Variants in TENM3 observed in about 807,000 individuals in gnomAD.
The protein encoded by TENM3 is teneurin transmembrane protein 3.
TENM3 carries 63 observed loss-of-function variants against 255.1 expected under a neutral mutation model. That is an observed-to-expected ratio of 0.25 (90% confidence interval 0.20 to 0.30). The LOEUF is 0.30. TENM3 is among the 10% of genes least tolerant of loss of function. TENM3 has a pLI of 1.00. For synonymous variants in TENM3, 1,306 were observed against 1,322.3 expected, an observed-to-expected ratio of 0.99 and a Z score of 0.27; for missense variants, 2,929 against 3,461.1, an observed-to-expected ratio of 0.85 and a Z score of 3.86.
chr4:182,427,947 CTT>C (rs34463107), intron 3 of TENM3, among the ~76,000 whole-genome samples: 20 of 142,864 alleles, frequency 1.4e-4, no homozygotes, highest in Admixed American at 5.6e-4. Context: ...AGCACTGTCA[CTT>C]TTTTTTTTTT....
chr4:182,242,285 A>G (rs137979688), upstream of TENM3, among the ~76,000 whole-genome samples: 681 of 150,208 alleles, frequency 4.5e-3, 4 homozygotes, highest in African/African-American at 0.016. Context: ...TTCAGTTCCC[A>G]CCTATGAGTG....
chr4:181,837,851 A>C, the TENM3 span, among the ~76,000 whole-genome samples: 5 of 152,048 alleles, frequency 3.3e-5, no homozygotes, highest in Non-Finnish European at 4.4e-5. Flanking sequence ...GTATAAGAAA[A>C]CCTTAGGGAC....
chr4:181,825,360 C>A, the TENM3 span, among the ~76,000 whole-genome samples: 1 of 125,474 alleles, frequency 8.0e-6, no homozygotes, highest in African/African-American at 3.0e-5. Context: ...GAGATCACAC[C>A]ATTGCACTTC....
intron 3 of TENM3, among the ~76,000 whole-genome samples, chr4:182,411,111 C>T (rs1769953534): frequency 6.6e-6 from 1 of 152,080 alleles, no homozygotes; most frequent in African/African-American, 2.4e-5. Flanking sequence ...TGGACTTATC[C>T]CTAAGTCCCA....
chr4:181,650,233 A>G, the TENM3 span, among the ~76,000 whole-genome samples: 1 of 152,184 alleles, frequency 6.6e-6, no homozygotes, highest in African/African-American at 2.4e-5. Flanking sequence ...GACCTACATG[A>G]GTCAGCAAAC....
At chr4:182,252,470 T>C (rs1324645786) in intron 1 of TENM3, among the ~76,000 whole-genome samples, 1 of 152,216 alleles carries the variant, frequency 6.6e-6, no homozygotes, top group Non-Finnish European at 1.5e-5. Flanking sequence ...AATACATGAA[T>C]ATTAAAATAA....
chr4:182,166,380 T>G (rs981439106), intron 1 of TENM3, among the ~76,000 whole-genome samples: 1 of 152,168 alleles, frequency 6.6e-6, no homozygotes, highest in African/African-American at 2.4e-5. Context: ...CCCCCTGGGC[T>G]TCTGCCATGA....
At chr4:182,515,677 G>C (rs1282189733) in intron 3 of TENM3, among the ~76,000 whole-genome samples, 1 of 151,400 alleles carries the variant, frequency 6.6e-6, no homozygotes, top group Non-Finnish European at 1.5e-5. Context: ...TTTAATGTAA[G>C]GAGAGGAGAC....
At chr4:182,024,320 T>C in the TENM3 span, among the ~76,000 whole-genome samples, 2 of 152,174 alleles carry the variant, frequency 1.3e-5, no homozygotes, top group African/African-American at 4.8e-5. Flanking sequence ...ATGATGACAG[T>C]CAAGAGGAAG....
chr4:181,725,604 A>AT, the TENM3 span, among the ~76,000 whole-genome samples: 175 of 151,460 alleles, frequency 1.2e-3, no homozygotes, highest in African/African-American at 4.1e-3. Flanking sequence ...ACACCCAGCT[A>AT]TTTTTTTGTA....
intron 3 of TENM3, among the ~76,000 whole-genome samples, chr4:182,400,089 G>A (rs1769123528): frequency 6.6e-6 from 1 of 152,062 alleles, no homozygotes; most frequent in African/African-American, 2.4e-5. Context: ...ATACTTCAGA[G>A]ACCTTATGTA....
chr4:181,789,953 T>C, the TENM3 span, among the ~76,000 whole-genome samples: 3 of 152,142 alleles, frequency 2.0e-5, no homozygotes, highest in Non-Finnish European at 2.9e-5. Context: ...TTTAAGTCTT[T>C]CCCTGAGTTC....
At chr4:182,088,341 A>G in the TENM3 span, among the ~76,000 whole-genome samples, 1 of 152,100 alleles carries the variant, frequency 6.6e-6, no homozygotes, top group Non-Finnish European at 1.5e-5. Flanking sequence ...GTGGTCTTCA[A>G]AGGGTATTCC....
At chr4:181,749,151 T>G in the TENM3 span, among the ~76,000 whole-genome samples, 2 of 152,114 alleles carry the variant, frequency 1.3e-5, no homozygotes, top group Non-Finnish European at 2.9e-5. Context: ...TAATTTGACT[T>G]TATCCCTTGT....
chr4:182,039,131 G>A, the TENM3 span, among the ~76,000 whole-genome samples: 1 of 152,150 alleles, frequency 6.6e-6, no homozygotes, highest in Non-Finnish European at 1.5e-5. Context: ...GCCATCTGAG[G>A]TCCGGAGCTA....
rs1464783432 is a variant in TENM3 at position 182,161,808 on chromosome 4, TATATA to T, written c.-76+17055_-76+17059del. Among the ~76,000 whole-genome samples, 115 of 33,556 alleles carry T rather than the reference TATATA, an allele frequency of 3.4e-3. 24 individuals carry two copies. Among genetic ancestry groups the T allele is most frequent in the African/African-American group, 7.9e-3 (75 of 9,536 alleles). The allele number at this position is 33,556 out of a possible 152,430, so 22.0% of individuals were successfully genotyped here. ...ACAAATATATGTATATATATACACA[TATATA>T]TGTATATATATACACATATATATGT... is the stretch of plus-strand genomic sequence containing the variant. On this transcript the variant is annotated intron_variant, in intron 1 of 2. Transcript: ENST00000512480.
At chr4:182,658,249 A>G (rs545769822) in intron 6 of TENM3, among the ~76,000 whole-genome samples, 1 of 152,292 alleles carries the variant, frequency 6.6e-6, no homozygotes, top group East Asian at 1.9e-4. Context: ...GTGATACCAC[A>G]TTCACTTTGA....
In TENM3 at chr4:182,680,754, T is replaced by G. The variant is rs1378644494; in HGVS notation, c.1834+17T>G. The G allele has an allele frequency of 2.0e-6, 3 of 1,516,880 alleles. No homozygotes were observed. The Admixed American group carries it at 7.3e-5, about 37-fold the overall frequency. The allele number at this position is 1,516,880 out of a possible 1,614,324, so 94.0% of individuals were successfully genotyped here. ...GTGAAGAAGGTAAACATGTCAATAT[T>G]CACAGAAGTCTGTTGTTATCTTCAT... On this transcript the variant is annotated intron_variant, in intron 10 of 27. Transcript: ENST00000511685.
chr4:182,416,060 C>G (rs1770336827), intron 3 of TENM3, among the ~76,000 whole-genome samples: 1 of 152,104 alleles, frequency 6.6e-6, no homozygotes, highest in Admixed American at 6.6e-5. Flanking sequence ...CACCTGGAGC[C>G]TATGTTTTAG....
Sources: allele counts gnomAD v4.1 joint callset (sites outside exome capture counted in the v4.1 genomes callset), GRCh38; gene constraint gnomAD v4.1.1; transcripts MANE v1.5; gene names NCBI Gene and HGNC (gene_info 2026-07-23, HGNC 2026-07-21).